The following ARHGAP35 variants were observed in gnomAD, a reference collection of about 807,000 sequenced individuals.
The protein encoded by ARHGAP35 is rho GTPase-activating protein 35.
ARHGAP35 carries 15 observed loss-of-function variants against 111.1 expected under a neutral mutation model. That is an observed-to-expected ratio of 0.13 (90% CI 0.09 to 0.21). ARHGAP35 has a LOEUF of 0.21. Ranked by LOEUF, ARHGAP35 falls within the 10% of genes least tolerant of loss-of-function variation. ARHGAP35 has a pLI of 1.00. For missense variants in ARHGAP35, 1,262 were observed against 1,873.0 expected, an observed-to-expected ratio of 0.67 and a Z score of 6.02; for synonymous variants, 643 against 710.3, an observed-to-expected ratio of 0.91 and a Z score of 1.51.
At chr19:46,950,304 A>G (rs1223978456) in intron 3 of ARHGAP35, among the ~76,000 whole-genome samples, 1 of 152,096 alleles carries the variant, frequency 6.6e-6, no homozygotes, top group African/African-American at 2.4e-5. Flanking sequence ...ATATTCCACA[A>G]TTTCTTTCTT....
rs552078495 is a variant in ARHGAP35 at position 46,869,392 on chromosome 19, G to C, written c.-189+8183G>C. On this transcript the variant is annotated intron_variant, in intron 1 of 6. Transcript: ENST00000672722. ...AGATCACCTAAACGCCTAACCCCCA[G>C]AGGTAAAGGCTGCAGTGAGCCATGA... Among the ~76,000 whole-genome samples the C allele has an allele frequency of 5.9e-5, 9 of 152,186 alleles. No individual in the cohort carries two copies. The East Asian group carries it at 1.7e-3, about 29-fold the overall frequency.
chr19:46,974,852 T>C (rs548195445), intron 3 of ARHGAP35, among the ~76,000 whole-genome samples: 19 of 152,174 alleles, frequency 1.2e-4, no homozygotes, highest in African/African-American at 4.6e-4. Flanking sequence ...CTCATTATCA[T>C]GAAACTCAGG....
rs1186970824 is a variant in ARHGAP35 at position 46,901,730 on chromosome 19, G to T, written c.-188-16758G>T. On this transcript the variant is annotated intron_variant, in intron 1 of 6. Coordinates refer to ENST00000672722, the MANE Select transcript of ARHGAP35 (RefSeq NM_004491.5). The surrounding 1 kb of genome is among the most constrained non-coding windows in gnomAD (Gnocchi z 4.5). ...TTGAATTTGAGTGCCCATTCCAAGGGTAGGCATTGATTGTTATCATTCTGA... is the reference window on the plus strand; with the variant it reads ...TTGAATTTGAGTGCCCATTCCAAGGTTAGGCATTGATTGTTATCATTCTGA... Among the ~76,000 whole-genome samples the T allele has an allele frequency of 6.6e-6, 1 of 152,152 alleles. No individual in the cohort carries two copies. The highest frequency in any genetic ancestry group is 1.5e-5 in the Non-Finnish European group (1 of 68,042).
At chr19:46,987,816 C>T (rs1214097599) in intron 3 of ARHGAP35, among the ~76,000 whole-genome samples, 173 bp from the exon 4 acceptor site, 1 of 152,140 alleles carries the variant, frequency 6.6e-6, no homozygotes, top group East Asian at 1.9e-4. Flanking sequence ...AAATGGAGGT[C>T]AGATGGGTTG....
intron 1 of ARHGAP35, among the ~76,000 whole-genome samples, chr19:46,896,083 C>T (rs943162211): frequency 6.6e-6 from 1 of 151,516 alleles, no homozygotes; most frequent in Non-Finnish European, 1.5e-5. Flanking sequence ...TCCTCGGTGA[C>T]AAGAATGAAA....
rs540030573 is a variant in ARHGAP35, at chr19:46,918,006, G to T, written c.-188-482G>T. ...TGGGATTACAGGCGTAAGCTACCAC[G>T]CCCGGCCCAGGTTCCTGTTTTTGCA... On this transcript the variant is annotated intron_variant, in intron 1 of 6. Coordinates refer to ENST00000672722, the MANE Select transcript of ARHGAP35 (RefSeq NM_004491.5). This position sits in a 1 kb window ranked among gnomAD's most constrained non-coding sequence, Gnocchi z 5.4. Among the ~76,000 whole-genome samples, 1 of 152,282 alleles carries T rather than the reference G, an allele frequency of 6.6e-6. No homozygotes were observed. Among genetic ancestry groups the T allele is most frequent in the East Asian group, 1.9e-4 (1 of 5,172 alleles).
At position 46,922,126 on chromosome 19, in the gene ARHGAP35, A is replaced by C. The variant is rs2056205700; in HGVS notation, c.3451A>C (p.Ile1151Leu). The change falls in exon 2 of 7, where the codon ATC becomes CTC. Residue 1151 changes from isoleucine (I) to leucine (L), a missense_variant. Transcript: ENST00000672722. This position sits in a 1 kb window ranked among gnomAD's most constrained non-coding sequence, Gnocchi z 4.0. ...TCTAGAGCGAGGGCGCAAGGTTTCC[A>C]TCGTGAGCAAGCCAGTGCTGTACAG... Reference protein sequence around the residue: ...SSLERGRKVSIVSKPVLYRTR... With the variant: ...SSLERGRKVSLVSKPVLYRTR... 6.2e-7 allele frequency: 1 copy of C among 1,614,042 alleles called. No individual in the cohort carries two copies. The highest frequency in any genetic ancestry group is 1.6e-4 in the Middle Eastern group (1 of 6,062).
intron 1 of ARHGAP35, among the ~76,000 whole-genome samples, chr19:46,871,346 A>T (rs2055886471): frequency 6.6e-6 from 1 of 152,044 alleles, no homozygotes; most frequent in Non-Finnish European, 1.5e-5. Context: ...GCAATGTTTT[A>T]TTTGTTTGTT....
At chr19:46,878,542 C>T (rs1160662086) in intron 1 of ARHGAP35, among the ~76,000 whole-genome samples, 4 of 152,164 alleles carry the variant, frequency 2.6e-5, no homozygotes, top group Non-Finnish European at 5.9e-5. Flanking sequence ...TGGTCTCAAA[C>T]TCTTAGCCTC....
At chr19:46,996,257 C>T (rs764850406) in intron 5 of ARHGAP35, among the ~76,000 whole-genome samples, 11 of 152,146 alleles carry the variant, frequency 7.2e-5, no homozygotes, top group African/African-American at 1.4e-4. Context: ...GCACACGCCA[C>T]CAGACCTGGC....
At chr19:46,885,276 A>G (rs900537728) in intron 1 of ARHGAP35, among the ~76,000 whole-genome samples, 7 of 152,162 alleles carry the variant, frequency 4.6e-5, no homozygotes, top group African/African-American at 1.7e-4. Flanking sequence ...TTGCAATAAT[A>G]ATAGCAAATA....
At chr19:46,947,419 G>A (rs1204058661) in intron 3 of ARHGAP35, 1 of 152,178 alleles carries the variant, frequency 6.6e-6, no homozygotes, top group East Asian at 1.9e-4. Flanking sequence ...CATTGCCGAA[G>A]GGAGTGTAAA....
intron 3 of ARHGAP35, among the ~76,000 whole-genome samples, chr19:46,957,194 C>T (rs1187716163): frequency 6.6e-6 from 1 of 152,084 alleles, no homozygotes; most frequent in Non-Finnish European, 1.5e-5. Flanking sequence ...AACTCCTGAC[C>T]TCGTGATCCA....
chr19:46,934,359 C>T (rs2056291368), intron 2 of ARHGAP35, among the ~76,000 whole-genome samples: 1 of 152,162 alleles, frequency 6.6e-6, no homozygotes, highest in African/African-American at 2.4e-5. Context: ...CACTCAGCCC[C>T]TCTTCCCCAC....
At chr19:46,876,300 A>G (rs954111608) in intron 1 of ARHGAP35, among the ~76,000 whole-genome samples, 4 of 151,796 alleles carry the variant, frequency 2.6e-5, no homozygotes, top group East Asian at 1.9e-4. Flanking sequence ...CACAGGCTCA[A>G]TCATCTTGCT....
At chr19:46,952,885 C>T (rs529226153) in intron 3 of ARHGAP35, among the ~76,000 whole-genome samples, 5 of 152,222 alleles carry the variant, frequency 3.3e-5, no homozygotes, top group Non-Finnish European at 5.9e-5. Flanking sequence ...GCCGTGTTGC[C>T]CAGGCTGGTC....
At chr19:46,940,256 G>A (rs968239640) in intron 3 of ARHGAP35, among the ~76,000 whole-genome samples, 5 of 152,056 alleles carry the variant, frequency 3.3e-5, no homozygotes, top group African/African-American at 7.2e-5. Flanking sequence ...CTAGTCGGGA[G>A]GCTGAAGCAG....
At chr19:46,861,546 C>T (rs1459343771) in intron 1 of ARHGAP35, among the ~76,000 whole-genome samples, 2 of 149,394 alleles carry the variant, frequency 1.3e-5, no homozygotes, top group Non-Finnish European at 3.0e-5. Flanking sequence ...CAATTCTGCG[C>T]CCCCCTTCCC....
At position 47,001,015 on chromosome 19, in the gene ARHGAP35, T is replaced by G. The variant is rs558614174; in HGVS notation, c.*327T>G. The G allele has an allele frequency of 6.9e-7, 1 of 1,453,364 alleles. No individual in the cohort carries two copies. The highest frequency in any genetic ancestry group is 2.1e-5 in the Admixed American group (1 of 48,324). 90.0% of individuals were successfully genotyped at this position (1,453,364 alleles called of 1,614,324 possible). ...CAGCCTCCGGGTGCCTCCCTCTGCT[T>G]GTACAGAGCCCATGGTCGGGACAGT... On this transcript the variant is annotated 3_prime_UTR_variant, in exon 7 of 7. Coordinates refer to ENST00000672722, the MANE Select transcript of ARHGAP35 (RefSeq NM_004491.5). This position sits in a 1 kb window ranked among gnomAD's most constrained non-coding sequence, Gnocchi z 5.4.
Sources: gnomAD v4.1 joint callset for allele counts (sites outside exome capture counted in the v4.1 genomes callset) on GRCh38, gnomAD v4.1.1 for gene constraint, Gnocchi (gnomAD v3.1) non-coding constraint, MANE v1.5 for transcripts, NCBI Gene and HGNC (gene_info 2026-07-23, HGNC 2026-07-21) for gene names.